The following FSTL5 variants were observed in gnomAD, a reference collection of about 807,000 sequenced individuals.
FSTL5 encodes the protein follistatin like 5.
FSTL5 carries 62 observed loss-of-function variants against 89.1 expected under a neutral mutation model. The observed-to-expected ratio is 0.70, with a 90% confidence interval of 0.57 to 0.86. The LOEUF is 0.86. FSTL5 is among the 40% of genes least tolerant of loss of function. The pLI, the probability that FSTL5 is intolerant of heterozygous loss-of-function variation, is 0.00. For missense variants in FSTL5, 1,057 were observed against 1,001.6 expected, an observed-to-expected ratio of 1.06 and a Z score of -0.75; for synonymous variants, 383 against 346.2, an observed-to-expected ratio of 1.11 and a Z score of -1.18.
At chr4:161,952,364 G>A (rs776916869) in intron 3 of FSTL5, among the ~76,000 whole-genome samples, 22 of 151,978 alleles carry the variant, frequency 1.4e-4, no homozygotes, top group Non-Finnish European at 1.5e-4. Flanking sequence ...TAAAGAAGGT[G>A]GAATATGATG....
At chr4:161,814,426 G>T (rs767765693) in intron 4 of FSTL5, among the ~76,000 whole-genome samples, 3 of 152,044 alleles carry the variant, frequency 2.0e-5, no homozygotes, top group Non-Finnish European at 4.4e-5. Context: ...ATACATTATT[G>T]TGTTCATTAA....
intron 10 of FSTL5, among the ~76,000 whole-genome samples, chr4:161,523,619 A>G (rs902694271): frequency 6.6e-6 from 1 of 152,240 alleles, no homozygotes; most frequent in African/African-American, 2.4e-5. Flanking sequence ...ATTATCCAAT[A>G]CACGGATAAA....
At chr4:161,566,135 T>TATATATATATAC (rs1267325201) in intron 8 of FSTL5, among the ~76,000 whole-genome samples, 40 of 55,084 alleles carry the variant, frequency 7.3e-4, no homozygotes, top group Middle Eastern at 0.017. Flanking sequence ...TATATATATA[T>TATATATATATAC]ACACACACAC....
chr4:161,765,337 T>C (rs558807036), intron 5 of FSTL5, among the ~76,000 whole-genome samples: 1 of 152,354 alleles, frequency 6.6e-6, no homozygotes, highest in Non-Finnish European at 1.5e-5. Context: ...AAGTGCTTAT[T>C]TATTTGTATT....
At chr4:161,531,873 A>G (rs114315174) in intron 10 of FSTL5, among the ~76,000 whole-genome samples, 8,290 of 152,186 alleles carry the variant, frequency 0.054, 287 homozygotes, top group Middle Eastern at 0.083. Context: ...TAGGCTTTTG[A>G]GAAATAGATT....
intron 5 of FSTL5, among the ~76,000 whole-genome samples, chr4:161,768,691 G>A (rs879500046): frequency 6.6e-6 from 1 of 151,254 alleles, no homozygotes; most frequent in Non-Finnish European, 1.5e-5. Context: ...GAGCTCAAAG[G>A]GAAGTACAAA....
intron 7 of FSTL5, among the ~76,000 whole-genome samples, chr4:161,608,395 A>T (rs761205371): frequency 3.8e-4 from 58 of 152,234 alleles, no homozygotes; most frequent in Non-Finnish European, 6.9e-4. Flanking sequence ...TAAATTTAAG[A>T]TGTTCTGGAG....
chr4:161,524,008 C>A (rs1321422398), intron 10 of FSTL5, among the ~76,000 whole-genome samples: 1 of 152,118 alleles, frequency 6.6e-6, no homozygotes, highest in Non-Finnish European at 1.5e-5. Context: ...GAGGCTGTTT[C>A]AGGCCATGAT....
chr4:161,412,096 C>T (rs1044589049), intron 15 of FSTL5, among the ~76,000 whole-genome samples: 10 of 151,818 alleles, frequency 6.6e-5, no homozygotes, highest in Admixed American at 6.6e-4. Flanking sequence ...TTACAATAGC[C>T]AAAAAGAAAA....
At chr4:161,726,547 C>T (rs895154260) in intron 6 of FSTL5, among the ~76,000 whole-genome samples, 5 of 151,790 alleles carry the variant, frequency 3.3e-5, no homozygotes, top group Admixed American at 6.6e-5. Context: ...CTCTCAATAC[C>T]GTAAACCTAG....
intron 6 of FSTL5, among the ~76,000 whole-genome samples, chr4:161,706,372 A>G (rs1738580015): frequency 6.6e-6 from 1 of 151,924 alleles, no homozygotes; most frequent in Non-Finnish European, 1.5e-5. Context: ...AAATTATTTA[A>G]CTTTAGATGT....
chr4:162,052,782 T>C (rs1738422688), intron 2 of FSTL5, among the ~76,000 whole-genome samples: 1 of 151,874 alleles, frequency 6.6e-6, no homozygotes, highest in Non-Finnish European at 1.5e-5. Context: ...TTTTTTGTGG[T>C]GAGTACACTT....
At chr4:161,628,442 G>A (rs1735387756) in intron 7 of FSTL5, among the ~76,000 whole-genome samples, 2 of 151,830 alleles carry the variant, frequency 1.3e-5, no homozygotes, top group South Asian at 2.1e-4. Flanking sequence ...TGATAAAAAC[G>A]GCTTAAAGGA....
chr4:162,034,753 A>T (rs917666188), intron 2 of FSTL5, among the ~76,000 whole-genome samples: 1 of 152,206 alleles, frequency 6.6e-6, no homozygotes, highest in Non-Finnish European at 1.5e-5. Context: ...TTGGCAAAAG[A>T]GTAGGAAAAT....
At chr4:161,539,341 C>T (rs1731741381) in intron 9 of FSTL5, among the ~76,000 whole-genome samples, 1 of 151,926 alleles carries the variant, frequency 6.6e-6, no homozygotes, top group South Asian at 2.1e-4. Context: ...GGTAGAAAGC[C>T]AATGAGAAAA....
chr4:161,638,020 T>TG (rs1289249425), intron 7 of FSTL5, among the ~76,000 whole-genome samples: 1 of 152,108 alleles, frequency 6.6e-6, no homozygotes, highest in East Asian at 1.9e-4. Context: ...GGTAGCTTTA[T>TG]GGGGATGGCA....
intron 8 of FSTL5, among the ~76,000 whole-genome samples, chr4:161,548,290 G>C (rs1732073178): frequency 6.6e-6 from 1 of 151,828 alleles, no homozygotes; most frequent in Non-Finnish European, 1.5e-5. Context: ...GGTTGACACA[G>C]ATGGACAACA....
At chr4:162,058,400 A>G (rs555634544) in intron 2 of FSTL5, among the ~76,000 whole-genome samples, 75 of 149,396 alleles carry the variant, frequency 5.0e-4, no homozygotes, top group African/African-American at 1.4e-3. Context: ...GATCAATGTT[A>G]CACTTTCAAC....
chr4:161,702,480 T>G (rs1263493921), intron 6 of FSTL5, among the ~76,000 whole-genome samples: 1 of 152,120 alleles, frequency 6.6e-6, no homozygotes, highest in East Asian at 1.9e-4. Context: ...ACAGTCATCC[T>G]CCAAAAGGGG....
Sources: gnomAD v4.1 joint callset for allele counts (sites outside exome capture counted in the v4.1 genomes callset) on GRCh38, gnomAD v4.1.1 for gene constraint, MANE v1.5 for transcripts, NCBI Gene and HGNC (gene_info 2026-07-23, HGNC 2026-07-21) for gene names.